ALKBH1: variants seen among roughly 807,000 people sequenced by gnomAD.
ALKBH1 encodes alkB homolog 1, histone H2A dioxygenase.
A neutral mutation model predicts 36.6 loss-of-function variants in ALKBH1; 31 were observed. The observed-to-expected ratio is 0.85, with a 90% CI of 0.64 to 1.14. The LOEUF is 1.14. Among genes scored for constraint, ALKBH1 ranks in the 50% most tolerant of loss-of-function variants. The pLI, the probability that ALKBH1 is intolerant of heterozygous loss-of-function variation, is 0.00. For missense variants in ALKBH1, 490 were observed against 497.3 expected, an observed-to-expected ratio of 0.99 and a Z score of 0.14; for synonymous variants, 183 against 186.6, an observed-to-expected ratio of 0.98 and a Z score of 0.16.
chr14:77,675,543 A>G (rs2080200523), intron 5 of ALKBH1, 113 bp downstream of exon 5: 5 of 860,192 alleles, frequency 5.8e-6, no homozygotes, highest in Admixed American at 5.8e-5. Context: ...GGAAGATTAT[A>G]GAGTCCAACC....
chr14:77,706,737 A>C (rs1023938864), intron 1 of ALKBH1, among the ~76,000 whole-genome samples: 3 of 152,224 alleles, frequency 2.0e-5, no homozygotes, highest in Non-Finnish European at 4.4e-5. Flanking sequence ...CTCTGGAGAG[A>C]AAAAGTATAT....
rs769478498 is a variant in ALKBH1, at chr14:77,694,738, C to T, written c.455G>A (p.Arg152Lys). ...DLWEQSKEFL[R>K]YKEATKRRPR... is the part of the protein sequence containing the mutation. ...CTTCATTCTGATTGACAAGACTTAC[C>T]TCAGGAACTCTTTGCTCTGTTCCCA... The change falls in exon 3 of 6, where the codon AGG becomes AAG. Residue 152 changes from arginine to lysine, a missense_variant and splice_region_variant. Arg to Lys is a conservative substitution (Grantham distance 26, BLOSUM62 2). Transcript: ENST00000216489. The T allele has an allele frequency of 8.9e-6, 14 of 1,580,892 alleles. No homozygotes were observed. The highest frequency in any genetic ancestry group is 1.1e-5 in the Non-Finnish European group (13 of 1,166,668).
intron 4 of ALKBH1, among the ~76,000 whole-genome samples, chr14:77,676,149 C>T (rs553562105): frequency 2.3e-5 from 3 of 132,048 alleles, no homozygotes; most frequent in Non-Finnish European, 4.9e-5. Flanking sequence ...GTGCGTGCCA[C>T]CATGCCTGGC....
chr14:77,704,029 A>G (rs1008388521), intron 2 of ALKBH1, among the ~76,000 whole-genome samples: 3 of 152,182 alleles, frequency 2.0e-5, no homozygotes, highest in African/African-American at 7.2e-5. Flanking sequence ...AACTATTATG[A>G]CATTTATTAC....
chr14:77,673,698 C>A lies in ALKBH1; in HGVS notation c.*114G>T, dbSNP rs1411595184. 1 of 1,103,502 alleles carries A rather than the reference C, an allele frequency of 9.1e-7. No homozygotes were observed. Among genetic ancestry groups the A allele is most frequent in the East Asian group, 2.4e-5 (1 of 42,222 alleles). The allele number at this position is 1,103,502 out of a possible 1,614,324, so 68.4% of individuals were successfully genotyped here. The stretch of plus-strand genomic sequence containing the variant: ...GCAACAGTGTGATCAACAATGAGTT[C>A]TTCCCTGTCTCTGTTTTTGGCTTGT... On this transcript the variant is annotated 3_prime_UTR_variant, in exon 6 of 6. Coordinates refer to ENST00000216489, the MANE Select transcript of ALKBH1 (RefSeq NM_006020.3).
At chr14:77,701,870 A>G (rs1423696514) in intron 2 of ALKBH1, among the ~76,000 whole-genome samples, 4 of 152,250 alleles carry the variant, frequency 2.6e-5, no homozygotes, top group Non-Finnish European at 5.9e-5. Context: ...TTAATTAAGC[A>G]GTAAATCCTA....
chr14:77,707,969 C>A lies in ALKBH1; in HGVS notation c.36G>T (p.Ala12=). The change falls in exon 1 of 6, where the codon GCG becomes GCT. Residue 12 remains alanine (A), a synonymous_variant. Transcript: ENST00000216489. ...GKMAAAVGSV[A]TLATEPGEDA... is the part of the protein sequence containing the mutation. ...CCTCCCCGGGCTCAGTCGCCAGAGTCGCCACAGAGCCCACGGCCGCTGCCA... is the reference window on the plus strand; with the variant it reads ...CCTCCCCGGGCTCAGTCGCCAGAGTAGCCACAGAGCCCACGGCCGCTGCCA... 1.2e-6 allele frequency: 2 copies of A among 1,612,956 alleles called. No individual in the cohort carries two copies. Among genetic ancestry groups the A allele is most frequent in the Non-Finnish European group, 1.7e-6 (2 of 1,179,624 alleles).
At chr14:77,680,069 A>G in intron 3 of ALKBH1, 99 bp from the exon 4 acceptor site, 1 of 875,982 alleles carries the variant, frequency 1.1e-6, no homozygotes, top group Non-Finnish European at 1.9e-6. Flanking sequence ...TACATGGTAT[A>G]AGCCGTTAGC....
At chr14:77,683,091 A>G in intron 3 of ALKBH1, 1 of 479,750 alleles carries the variant, frequency 2.1e-6, no homozygotes, top group Non-Finnish European at 3.7e-6. Flanking sequence ...ACCTCAAGCA[A>G]TCCTTCCGCC....
At position 77,674,272 on chromosome 14, in the gene ALKBH1, TA is replaced by T. The variant is rs1566810386; in HGVS notation, c.741-32del. The T allele has an allele frequency of 2.7e-6, 4 of 1,502,914 alleles. No homozygotes were observed. In the South Asian group the frequency reaches 5.4e-5, roughly 20 times the overall value. 93.1% of individuals were successfully genotyped at this position (1,502,914 alleles called of 1,614,324 possible). ...AAAAATAAGTAAAAACACACAACAA[TA>T]AAAAAGTATAAATTTTGTTTATTAA... is the stretch of plus-strand genomic sequence containing the variant. On this transcript the variant is annotated intron_variant, in intron 5 of 5. Transcript: ENST00000216489.
At chr14:77,688,234 T>C (rs1326674253) in intron 3 of ALKBH1, among the ~76,000 whole-genome samples, 1 of 130,772 alleles carries the variant, frequency 7.6e-6, no homozygotes, top group Non-Finnish European at 1.6e-5. Flanking sequence ...TTTGCATGGA[T>C]TAAACTAAAT....
At chr14:77,691,406 G>C (rs1344873200) in intron 3 of ALKBH1, among the ~76,000 whole-genome samples, 2 of 152,136 alleles carry the variant, frequency 1.3e-5, no homozygotes, top group Non-Finnish European at 2.9e-5. Flanking sequence ...CAGGGGAACT[G>C]TTTTGAACTC....
chr14:77,707,047 T>C (rs543435793), intron 1 of ALKBH1, among the ~76,000 whole-genome samples: 9 of 152,364 alleles, frequency 5.9e-5, no homozygotes, highest in African/African-American at 1.7e-4. Context: ...TTGCCTGTTA[T>C]GTTCCCTTAA....
At chr14:77,685,549 GGC>G (rs1162247487) in intron 3 of ALKBH1, among the ~76,000 whole-genome samples, 1 of 152,148 alleles carries the variant, frequency 6.6e-6, no homozygotes, top group Non-Finnish European at 1.5e-5. Flanking sequence ...GGCCGAGGTG[GGC>G]AGATTGCCTT....
intron 3 of ALKBH1, among the ~76,000 whole-genome samples, chr14:77,692,549 G>A (rs1200542927): frequency 6.6e-6 from 1 of 152,176 alleles, no homozygotes; most frequent in Non-Finnish European, 1.5e-5. Flanking sequence ...TGATCTGACA[G>A]GGGGCGAAGC....
intron 3 of ALKBH1, among the ~76,000 whole-genome samples, chr14:77,687,760 T>A (rs2080275998): frequency 1.3e-5 from 2 of 152,202 alleles, no homozygotes; most frequent in Non-Finnish European, 2.9e-5. Flanking sequence ...TGATGTCTTT[T>A]CCTGCTCTAT....
chr14:77,683,528 C>T, intron 3 of ALKBH1: 1 of 642,302 alleles, frequency 1.6e-6, no homozygotes, highest in South Asian at 1.5e-5. Context: ...TGGGCCATTC[C>T]TTTTTGAACA....
At chr14:77,707,424 A>C (rs1048712516) in intron 1 of ALKBH1, among the ~76,000 whole-genome samples, 5 of 152,226 alleles carry the variant, frequency 3.3e-5, no homozygotes, top group Non-Finnish European at 7.3e-5. Flanking sequence ...GTGGCTTAAC[A>C]AACAGCGCCG....
chr14:77,689,773 T>TA (rs1595053783), intron 3 of ALKBH1, among the ~76,000 whole-genome samples: 2 of 152,004 alleles, frequency 1.3e-5, no homozygotes, highest in African/African-American at 4.8e-5. Flanking sequence ...TACATAAAAA[T>TA]AGAGTATTTC....
Sources: allele counts gnomAD v4.1 joint callset (sites outside exome capture counted in the v4.1 genomes callset), GRCh38; gene constraint gnomAD v4.1.1; transcripts MANE v1.5; gene names NCBI Gene and HGNC (gene_info 2026-07-23, HGNC 2026-07-21).